HTR1F: variants seen among roughly 807,000 people sequenced by gnomAD.
HTR1F encodes the protein 5-hydroxytryptamine receptor 1F.
Under a neutral mutation model 24.0 loss-of-function variants are expected in HTR1F, and 17 were observed. The observed-to-expected ratio is 0.71, with a 90% confidence interval of 0.48 to 1.06. The LOEUF is 1.06. HTR1F is among the 50% of genes least tolerant of loss of function. The pLI, the probability that HTR1F is intolerant of heterozygous loss-of-function variation, is 0.00. For missense variants in HTR1F, 391 were observed against 427.8 expected (o/e 0.91, Z 0.76); for synonymous variants, 186 against 156.8 (o/e 1.19, Z -1.39).
intron 2 of HTR1F, among the ~76,000 whole-genome samples, chr3:87,889,688 C>T (rs182215056): frequency 9.9e-5 from 15 of 151,984 alleles, no homozygotes; most frequent in Admixed American, 8.5e-4. Context: ...TTTTTGTTTC[C>T]TTTAAATGAG....
At chr3:87,931,357 G>A (rs1345306313) in intron 2 of HTR1F, among the ~76,000 whole-genome samples, 1 of 152,076 alleles carries the variant, frequency 6.6e-6, no homozygotes, top group African/African-American at 2.4e-5. Context: ...TTTCATCCAT[G>A]TCCCTACAAA....
At chr3:87,873,926 C>G (rs560198543) in intron 2 of HTR1F, among the ~76,000 whole-genome samples, 1 of 152,070 alleles carries the variant, frequency 6.6e-6, no homozygotes, top group Admixed American at 6.6e-5. Flanking sequence ...AAATTTAACA[C>G]CCATTCATGA....
intron 2 of HTR1F, among the ~76,000 whole-genome samples, chr3:87,902,743 C>G (rs1295846725): frequency 9.6e-6 from 1 of 104,530 alleles, no homozygotes; most frequent in South Asian, 4.1e-4. Context: ...AGCTATCCCT[C>G]CCCCCTCCCC....
At chr3:87,921,746 T>C (rs754772494) in intron 2 of HTR1F, among the ~76,000 whole-genome samples, 1 of 151,912 alleles carries the variant, frequency 6.6e-6, no homozygotes, top group Non-Finnish European at 1.5e-5. Flanking sequence ...TCCCAGGCTA[T>C]AGTAACAACT....
chr3:87,882,186 C>A (rs1395600177), intron 2 of HTR1F, among the ~76,000 whole-genome samples: 1 of 152,150 alleles, frequency 6.6e-6, no homozygotes, highest in Non-Finnish European at 1.5e-5. Context: ...GTTAGAATGG[C>A]AATCACTAAA....
At chr3:87,965,333 C>T (rs1025898949) in intron 2 of HTR1F, among the ~76,000 whole-genome samples, 5 of 152,252 alleles carry the variant, frequency 3.3e-5, no homozygotes, top group Admixed American at 2.6e-4. Flanking sequence ...ATTATGGAGT[C>T]TAAAAAGATG....
chr3:87,840,483 C>T (rs1477562164), intron 2 of HTR1F, among the ~76,000 whole-genome samples: 3 of 152,050 alleles, frequency 2.0e-5, no homozygotes, highest in Admixed American at 6.6e-5. Context: ...AAAGGGAACA[C>T]TTATACAGGG....
At position 87,890,562 on chromosome 3, in the gene HTR1F, T is replaced by G. The variant is rs1174045183; in HGVS notation, c.-43+68438T>G. Among the ~76,000 whole-genome samples, 9 of 146,618 alleles carry G rather than the reference T, an allele frequency of 6.1e-5. No individual in the cohort carries two copies. The East Asian group carries it at 1.6e-3, about 26-fold the overall frequency. ...ATGCCTTTTTTTTTTTTTTTTTGAG[T>G]ATGGGCTAGATTTAGAATAGAGTAT... On this transcript the variant is annotated intron_variant, in intron 2 of 2. Transcript: ENST00000319595.
At chr3:87,842,490 A>G (rs750649508) in intron 2 of HTR1F, among the ~76,000 whole-genome samples, 1 of 151,888 alleles carries the variant, frequency 6.6e-6, no homozygotes, top group Non-Finnish European at 1.5e-5. Context: ...AAGAGACTCA[A>G]CACATTGAGA....
chr3:87,820,291 C>T, intron 1 of HTR1F, among the ~76,000 whole-genome samples: 1 of 150,688 alleles, frequency 6.6e-6, no homozygotes, highest in East Asian at 2.0e-4. Context: ...ATTCTCCTGC[C>T]TCAGCCTCCC....
chr3:87,979,373 T>C (rs1705492363), intron 2 of HTR1F, among the ~76,000 whole-genome samples: 3 of 152,116 alleles, frequency 2.0e-5, no homozygotes, highest in Admixed American at 2.0e-4. Flanking sequence ...ATTGACAGTG[T>C]TCTCCCTGGC....
intron 2 of HTR1F, among the ~76,000 whole-genome samples, chr3:87,960,529 T>C (rs1705038260): frequency 6.6e-6 from 1 of 151,984 alleles, no homozygotes; most frequent in African/African-American, 2.4e-5. Flanking sequence ...TGAATTTCAG[T>C]TGTGCTATTT....
At chr3:87,876,705 G>T (rs543850400) in intron 2 of HTR1F, among the ~76,000 whole-genome samples, 1 of 152,258 alleles carries the variant, frequency 6.6e-6, no homozygotes, top group East Asian at 1.9e-4. Flanking sequence ...AGGATTTATT[G>T]TTCGGTGGAT....
At chr3:87,812,677 AGCCCCT>A (rs912097948) in intron 1 of HTR1F, among the ~76,000 whole-genome samples, 2 of 152,180 alleles carry the variant, frequency 1.3e-5, no homozygotes, top group Non-Finnish European at 2.9e-5. Flanking sequence ...TCTTGGTGGC[AGCCCCT>A]GCAATCACAG....
At chr3:87,886,918 T>A (rs561589498) in intron 2 of HTR1F, among the ~76,000 whole-genome samples, 1 of 152,294 alleles carries the variant, frequency 6.6e-6, no homozygotes, top group South Asian at 2.1e-4. Context: ...ATTTATAGAT[T>A]CAATGCCATC....
intron 2 of HTR1F, among the ~76,000 whole-genome samples, chr3:87,970,565 C>G (rs1705264182): frequency 6.6e-6 from 1 of 152,152 alleles, no homozygotes; most frequent in African/African-American, 2.4e-5. Flanking sequence ...CCCTTCAGAG[C>G]CTGTGGGCTG....
chr3:87,935,505 GA>G (rs374690867), intron 2 of HTR1F, among the ~76,000 whole-genome samples: 7,486 of 130,432 alleles, frequency 0.057, 295 homozygotes, highest in African/African-American at 0.13. Flanking sequence ...GAGAAACAAA[GA>G]AAAAAAAAAA....
chr3:87,901,176 G>A (rs1706312767), intron 2 of HTR1F, among the ~76,000 whole-genome samples: 1 of 152,128 alleles, frequency 6.6e-6, no homozygotes, highest in African/African-American at 2.4e-5. Flanking sequence ...GCTGTAGTTT[G>A]TTTTCATACC....
At chr3:87,923,451 T>G (rs879429047) in intron 2 of HTR1F, among the ~76,000 whole-genome samples, 3 of 151,964 alleles carry the variant, frequency 2.0e-5, no homozygotes, top group Admixed American at 2.0e-4. Context: ...TATCAGAGAT[T>G]TTTTTGGTCC....
Sources: gnomAD v4.1 joint callset for allele counts (sites outside exome capture counted in the v4.1 genomes callset) on GRCh38, gnomAD v4.1.1 for gene constraint, MANE v1.5 for transcripts, NCBI Gene and HGNC (gene_info 2026-07-23, HGNC 2026-07-21) for gene names.